Variants in UBAP2 observed in about 807,000 individuals in gnomAD.
UBAP2 encodes the protein ubiquitin-associated protein 2.
A neutral mutation model predicts 139.6 loss-of-function variants in UBAP2; 75 were observed. The observed-to-expected ratio is 0.54, with a 90% CI of 0.45 to 0.65. The LOEUF is 0.65. Ranked by LOEUF, UBAP2 falls within the 30% of genes least tolerant of loss-of-function variation. The pLI is 0.00. For missense variants in UBAP2, 1,368 were observed against 1,369.6 expected (o/e 1.00, Z 0.02); for synonymous variants, 526 against 526.2 (o/e 1.00, Z 0.01).
intron 4 of UBAP2, among the ~76,000 whole-genome samples, chr9:33,991,293 T>A (rs933938770): frequency 1.5e-5 from 2 of 132,932 alleles, no homozygotes; most frequent in Non-Finnish European, 3.3e-5. Flanking sequence ...AGAGCGAGAC[T>A]CTGTATCAAA....
rs181583354 is a variant in UBAP2, at chr9:33,957,614, C to G, written c.799-1468G>C. Among the ~76,000 whole-genome samples the G allele has an allele frequency of 2.0e-5, 3 of 152,234 alleles. No homozygotes were observed. In the East Asian group the frequency reaches 5.8e-4, roughly 29 times the overall value. On this transcript the variant is annotated intron_variant, in intron 10 of 28. Transcript: ENST00000379238. ...GCATTCAGGATAAATTTTTTGAAAC[C>G]TCAACTGACATTAATAAAAGATACA...
chr9:33,947,456 T>C (rs1825734219), intron 13 of UBAP2, among the ~76,000 whole-genome samples: 1 of 152,082 alleles, frequency 6.6e-6, no homozygotes, highest in South Asian at 2.1e-4. Context: ...AACCACGGAA[T>C]GTAAAGGTTG....
At chr9:33,991,288 G>A (rs928837120) in intron 4 of UBAP2, among the ~76,000 whole-genome samples, 2 of 142,194 alleles carry the variant, frequency 1.4e-5, no homozygotes, top group Admixed American at 1.4e-4. Context: ...GTGACAGAGC[G>A]AGACTCTGTA....
intron 17 of UBAP2, chr9:33,934,396 T>C (rs1824273726): frequency 6.4e-6 from 1 of 155,690 alleles, no homozygotes; most frequent in Non-Finnish European, 1.5e-5. Flanking sequence ...AGGAGCAACC[T>C]TGACCCTTCT....
At chr9:33,995,387 T>A (rs1564053400) in intron 4 of UBAP2, 2 of 137,364 alleles carry the variant, frequency 1.5e-5, no homozygotes, top group African/African-American at 2.6e-5. Flanking sequence ...ATATATATAT[T>A]AAATATAAAT....
chr9:33,994,691 G>A (rs976088624), intron 4 of UBAP2: 1 of 149,918 alleles, frequency 6.7e-6, no homozygotes, highest in Non-Finnish European at 1.5e-5. Flanking sequence ...TCACAAATTT[G>A]ATGGTTTGTC....
chr9:33,922,911 G>C, intron 27 of UBAP2, 33 bp from the exon 28 acceptor site: 1 of 1,613,412 alleles, frequency 6.2e-7, no homozygotes, highest in Non-Finnish European at 8.5e-7. Context: ...GTGAAGGTCA[G>C]GTTGGGCTGT....
chr9:33,930,025 ATAAAT>A (rs1201630192), intron 19 of UBAP2, among the ~76,000 whole-genome samples: 2 of 152,082 alleles, frequency 1.3e-5, no homozygotes, highest in Admixed American at 6.6e-5. Flanking sequence ...TAAGAAATAA[ATAAAT>A]AAAATAAAAA....
chr9:34,014,893 T>C (rs924769878), intron 2 of UBAP2, among the ~76,000 whole-genome samples: 1 of 152,192 alleles, frequency 6.6e-6, no homozygotes, highest in African/African-American at 2.4e-5. Flanking sequence ...GATCAGTTTG[T>C]GAATAAATTC....
chr9:34,004,800 GA>G (rs1026026736), intron 2 of UBAP2, among the ~76,000 whole-genome samples: 1 of 144,490 alleles, frequency 6.9e-6, no homozygotes, highest in Non-Finnish European at 1.5e-5. Flanking sequence ...AAAAAATAGG[GA>G]AAAAAAAAGT....
At chr9:33,996,027 A>T (rs555700505) in intron 4 of UBAP2, 196 bp downstream of exon 4, 25 of 493,390 alleles carry the variant, frequency 5.1e-5, no homozygotes, top group African/African-American at 4.8e-4. Flanking sequence ...TCAAGTCATC[A>T]GATTCTACGA....
chr9:33,923,751 A>G (rs1486874688), intron 24 of UBAP2, 44 bp downstream of exon 24: 2 of 1,598,098 alleles, frequency 1.3e-6, no homozygotes, highest in African/African-American at 2.7e-5. Context: ...ACCTGCCAGC[A>G]ACCCAAGGCC....
At chr9:33,923,520 A>G (rs779774116) in intron 24 of UBAP2, 42 bp from the exon 25 acceptor site, 25 of 1,594,310 alleles carry the variant, frequency 1.6e-5, no homozygotes, top group Non-Finnish European at 2.2e-5. Flanking sequence ...AGGAAGAGGC[A>G]AGCTGAGGCT....
At chr9:33,941,041 A>G (rs1314828732) in intron 16 of UBAP2, among the ~76,000 whole-genome samples, 2 of 152,210 alleles carry the variant, frequency 1.3e-5, no homozygotes, top group Non-Finnish European at 2.9e-5. Flanking sequence ...TACTAGTGTG[A>G]CATGAAATGT....
At chr9:34,044,591 G>T (rs1358227046) in intron 1 of UBAP2, among the ~76,000 whole-genome samples, 1 of 151,944 alleles carries the variant, frequency 6.6e-6, no homozygotes, top group African/African-American at 2.4e-5. Context: ...GAAGCCAGGT[G>T]TGGTGGCTCA....
intron 1 of UBAP2, among the ~76,000 whole-genome samples, chr9:34,036,806 CTTTTTTTTTTTT>C (rs869116521): frequency 3.0e-5 from 3 of 99,502 alleles, no homozygotes; most frequent in African/African-American, 1.3e-4. Flanking sequence ...AAGTTTTTCT[CTTTTTTTTTTTT>C]TTTTTTTTGA....
chr9:33,935,224 A>G (rs1333988691), intron 17 of UBAP2: 1 of 148,312 alleles, frequency 6.7e-6, no homozygotes, highest in Admixed American at 6.8e-5. Flanking sequence ...TCTCTTTCTA[A>G]GCAACAGTCC....
intron 15 of UBAP2, among the ~76,000 whole-genome samples, chr9:33,943,077 T>C (rs115988619): frequency 2.0e-5 from 3 of 152,208 alleles, no homozygotes; most frequent in African/African-American, 7.2e-5. Flanking sequence ...TGTGGTATTA[T>C]CAACACAATG....
intron 1 of UBAP2, among the ~76,000 whole-genome samples, chr9:34,024,042 T>C (rs1825191465): frequency 7.0e-6 from 1 of 142,028 alleles, no homozygotes. Context: ...AGACTCTGTC[T>C]CAAAAAAAAA....
Sources: allele counts gnomAD v4.1 joint callset (sites outside exome capture counted in the v4.1 genomes callset), GRCh38; gene constraint gnomAD v4.1.1; transcripts MANE v1.5; gene names NCBI Gene and HGNC (gene_info 2026-07-23, HGNC 2026-07-21).